WDR70: variants seen among roughly 807,000 people sequenced by gnomAD.
WDR70 encodes WD repeat domain 70.
A neutral mutation model predicts 88.6 loss-of-function variants in WDR70; 53 were observed. That is an observed-to-expected ratio of 0.60 (90% CI 0.48 to 0.75). The LOEUF is 0.75. Among genes scored for constraint, WDR70 ranks in the 30% least tolerant of loss-of-function variants. WDR70 has a pLI of 0.00. For synonymous variants in WDR70, 280 were observed against 270.0 expected, an observed-to-expected ratio of 1.04 and a Z score of -0.36; for missense variants, 610 against 823.2, an observed-to-expected ratio of 0.74 and a Z score of 3.17.
chr5:37,445,208 T>A (rs1410981677), intron 7 of WDR70, among the ~76,000 whole-genome samples: 1 of 152,216 alleles, frequency 6.6e-6, no homozygotes, highest in African/African-American at 2.4e-5. Context: ...TTAAGGTAAA[T>A]CCCTGGATTA....
intron 9 of WDR70, among the ~76,000 whole-genome samples, chr5:37,527,620 A>G (rs1040781305): frequency 6.6e-6 from 1 of 152,218 alleles, no homozygotes; most frequent in African/African-American, 2.4e-5. Flanking sequence ...ATGAAAGCCA[A>G]AATTAACAAA....
At chr5:37,659,273 C>T (rs1325555357) in intron 10 of WDR70, among the ~76,000 whole-genome samples, 1 of 152,156 alleles carries the variant, frequency 6.6e-6, no homozygotes, top group Non-Finnish European at 1.5e-5. Context: ...GTAGCAATGA[C>T]ATTTTTGTTT....
chr5:37,697,588 T>C, intron 10 of WDR70, 67 bp from the exon 11 acceptor site: 1 of 1,275,448 alleles, frequency 7.8e-7, no homozygotes, highest in Non-Finnish European at 1.1e-6. Context: ...TGAAATGTTC[T>C]TGCCACAAAA....
At chr5:37,743,004 C>T (rs1167272490) in intron 17 of WDR70, among the ~76,000 whole-genome samples, 5 of 152,176 alleles carry the variant, frequency 3.3e-5, no homozygotes, top group Admixed American at 1.3e-4. Context: ...TGAAATATTA[C>T]GGGCAGGGCC....
intron 9 of WDR70, among the ~76,000 whole-genome samples, chr5:37,573,397 T>TA (rs1391780640): frequency 6.6e-6 from 1 of 152,202 alleles, no homozygotes; most frequent in Non-Finnish European, 1.5e-5. Context: ...TTTCTTATGA[T>TA]ACTTTATGTT....
At chr5:37,479,705 G>C in intron 7 of WDR70, 129 bp from the exon 8 acceptor site, 1 of 1,122,208 alleles carries the variant, frequency 8.9e-7, no homozygotes, top group Non-Finnish European at 1.3e-6. Context: ...TGAGGTTGAT[G>C]TTCCTGATTT....
At chr5:37,746,768 C>T (rs1047868328) in intron 17 of WDR70, among the ~76,000 whole-genome samples, 11 of 152,184 alleles carry the variant, frequency 7.2e-5, no homozygotes, top group Admixed American at 2.6e-4. Context: ...GAAATTGAGG[C>T]AGTAATTAAT....
intron 5 of WDR70, among the ~76,000 whole-genome samples, chr5:37,410,884 G>A (rs767747451): frequency 2.0e-5 from 3 of 152,154 alleles, no homozygotes; most frequent in Non-Finnish European, 4.4e-5. Flanking sequence ...CATTATACAT[G>A]CCTTGCCCTA....
At chr5:37,534,258 A>G (rs1296052978) in intron 9 of WDR70, among the ~76,000 whole-genome samples, 1 of 152,208 alleles carries the variant, frequency 6.6e-6, no homozygotes, top group East Asian at 1.9e-4. Flanking sequence ...TCGCCATCTT[A>G]AAGTCCATTT....
intron 10 of WDR70, among the ~76,000 whole-genome samples, chr5:37,663,757 A>G (rs980493035): frequency 1.3e-5 from 2 of 152,088 alleles, no homozygotes; most frequent in Non-Finnish European, 2.9e-5. Context: ...CCTTCCCTGC[A>G]GTCGCCAAGG....
intron 8 of WDR70, chr5:37,505,983 A>G: frequency 5.7e-6 from 9 of 1,588,058 alleles, no homozygotes; most frequent in Non-Finnish European, 7.8e-6. Flanking sequence ...AAAATTACAC[A>G]GTTTCAGGGA....
chr5:37,432,164 C>T (rs1042223732), intron 5 of WDR70, among the ~76,000 whole-genome samples: 2 of 151,672 alleles, frequency 1.3e-5, no homozygotes, highest in African/African-American at 2.4e-5. Context: ...ATTTTACATT[C>T]CTACCAACAT....
At chr5:37,673,586 C>G (rs866149657) in intron 10 of WDR70, among the ~76,000 whole-genome samples, 1 of 97,164 alleles carries the variant, frequency 1.0e-5, no homozygotes, top group African/African-American at 4.0e-5. Flanking sequence ...TTTTCTTACC[C>G]CCCCCCCACC....
At chr5:37,453,978 T>C (rs1429510282) in intron 7 of WDR70, among the ~76,000 whole-genome samples, 1 of 152,222 alleles carries the variant, frequency 6.6e-6, no homozygotes, top group Non-Finnish European at 1.5e-5. Context: ...AGAAATGATG[T>C]GTTTTTCACA....
chr5:37,383,672 C>T (rs1581238514), intron 3 of WDR70, among the ~76,000 whole-genome samples: 1 of 151,756 alleles, frequency 6.6e-6, no homozygotes, highest in Admixed American at 6.6e-5. Context: ...CTCCGCCTCC[C>T]GGGTTCATGC....
intron 9 of WDR70, among the ~76,000 whole-genome samples, chr5:37,519,350 C>T (rs564552442): frequency 1.9e-3 from 262 of 140,242 alleles, no homozygotes; most frequent in African/African-American, 6.2e-3. Context: ...AGACGATGGG[C>T]GGGTGGGCAG....
At chr5:37,557,648 A>G (rs16903666) in intron 9 of WDR70, among the ~76,000 whole-genome samples, 87,561 of 151,638 alleles carry the variant, frequency 0.58, 27,260 homozygotes, top group Non-Finnish European at 0.69. Flanking sequence ...ACTTAGTGGT[A>G]AGAGGAGTTA....
rs529055339 is a variant in WDR70, at chr5:37,479,769, T to A, written c.687-65T>A. 1.1e-4 allele frequency: 167 copies of A among 1,509,054 alleles called. 1 individual carries two copies. In the South Asian group the frequency reaches 2.0e-3, roughly 18 times the overall value. The allele number at this position is 1,509,054 out of a possible 1,614,324, so 93.5% of individuals were successfully genotyped here. A position where few individuals can be genotyped will look rare whatever the true frequency, so the allele number is the denominator to read the frequency against. ...TAACATTTTTTTTTCTGGCAATACT[T>A]AATGTAGTAAAATTATAAACATTGT... On this transcript the variant is annotated intron_variant, in intron 7 of 17. Coordinates refer to ENST00000265107, the MANE Select transcript of WDR70 (RefSeq NM_018034.4).
At chr5:37,393,669 C>T (rs946498233) in intron 4 of WDR70, among the ~76,000 whole-genome samples, 6 of 151,868 alleles carry the variant, frequency 4.0e-5, no homozygotes, top group Non-Finnish European at 8.8e-5. Context: ...TTCCAAGGTT[C>T]CTCTTGTTAT....
Sources: allele counts gnomAD v4.1 joint callset (sites outside exome capture counted in the v4.1 genomes callset), GRCh38; gene constraint gnomAD v4.1.1; transcripts MANE v1.5; gene names NCBI Gene and HGNC (gene_info 2026-07-23, HGNC 2026-07-21).